Variants in SPIDR observed in about 807,000 individuals in gnomAD.
SPIDR encodes scaffold protein involved in DNA repair, also known as DNA repair-scaffolding protein.
A neutral mutation model predicts 104.6 loss-of-function variants in SPIDR; 93 were observed. The observed-to-expected ratio is 0.89, with a 90% CI of 0.75 to 1.06. The LOEUF is 1.06. Ranked by LOEUF, SPIDR falls within the 50% of genes least tolerant of loss-of-function variation. The probability of loss-of-function intolerance (pLI) is 0.00; values close to 1 mark genes in which losing one functional copy is unlikely to be tolerated. For synonymous variants in SPIDR, 431 were observed against 416.9 expected (o/e 1.03, Z -0.41); for missense variants, 1,154 against 1,111.2 (o/e 1.04, Z -0.55).
intron 10 of SPIDR, among the ~76,000 whole-genome samples, chr8:47,669,476 G>A (rs1028684293): frequency 6.6e-6 from 1 of 152,176 alleles, no homozygotes; most frequent in African/African-American, 2.4e-5. Context: ...AGCATGTGTG[G>A]TGGGTGTGAA....
intron 5 of SPIDR, among the ~76,000 whole-genome samples, chr8:47,331,256 T>C (rs1663968709): frequency 2.0e-5 from 3 of 152,196 alleles, no homozygotes; most frequent in Admixed American, 1.3e-4. Flanking sequence ...CAGTCAGATG[T>C]CATTTAGTGA....
At chr8:47,652,081 C>G (rs1266227119) in intron 10 of SPIDR, among the ~76,000 whole-genome samples, 1 of 151,996 alleles carries the variant, frequency 6.6e-6, no homozygotes, top group Non-Finnish European at 1.5e-5. Context: ...TCTGTGTAAC[C>G]AAAAATCGCT....
chr8:47,310,047 T>C (rs1299624396), intron 5 of SPIDR, among the ~76,000 whole-genome samples: 3 of 128,036 alleles, frequency 2.3e-5, no homozygotes, highest in African/African-American at 6.0e-5. Context: ...AACAAAGTAA[T>C]AAGTCGGCCA....
At chr8:47,726,041 G>T (rs2154493177) in intron 16 of SPIDR, among the ~76,000 whole-genome samples, 1 of 152,350 alleles carries the variant, frequency 6.6e-6, no homozygotes, top group Non-Finnish European at 1.5e-5. Context: ...GCTTGGGGAT[G>T]CCCCGGCTCC....
intron 5 of SPIDR, among the ~76,000 whole-genome samples, chr8:47,323,803 G>T (rs188266487): frequency 6.6e-6 from 1 of 152,248 alleles, no homozygotes; most frequent in East Asian, 1.9e-4. Flanking sequence ...TACTTCTTCA[G>T]ATCTCCTTTG....
rs2060492615 is a variant in SPIDR, at chr8:47,588,058, T to TTAGC, written c.1098-7753_1098-7752insTAGC. On this transcript the variant is annotated intron_variant, in intron 8 of 19. Coordinates refer to ENST00000297423, the MANE Select transcript of SPIDR (RefSeq NM_001080394.4). Reference sequence around the variant, plus strand: ...ATATATATATATATATATATATATATATATATATATATATATATATATATA... The same window carrying TTAGC: ...ATATATATATATATATATATATATATTAGCATATATATATATATATATATATATA... Among the ~76,000 whole-genome samples, 3 of 84,540 alleles carry TTAGC rather than the reference T, an allele frequency of 3.5e-5. No homozygotes were observed. The South Asian group carries it at 1.1e-3, about 32-fold the overall frequency. The allele number at this position is 84,540 out of a possible 152,430, so 55.5% of individuals were successfully genotyped here.
At chr8:47,649,972 A>G (rs1013089357) in intron 10 of SPIDR, among the ~76,000 whole-genome samples, 2 of 152,170 alleles carry the variant, frequency 1.3e-5, no homozygotes, top group Non-Finnish European at 2.9e-5. Context: ...AGTAATAAAA[A>G]CCGTATATGA....
At chr8:47,662,229 G>C (rs1249725077) in intron 10 of SPIDR, among the ~76,000 whole-genome samples, 1 of 152,190 alleles carries the variant, frequency 6.6e-6, no homozygotes, top group African/African-American at 2.4e-5. Flanking sequence ...CAGCATCTGA[G>C]GACTGGGACC....
chr8:47,333,956 A>G (rs782393469), intron 5 of SPIDR, among the ~76,000 whole-genome samples: 9 of 152,202 alleles, frequency 5.9e-5, no homozygotes, highest in Non-Finnish European at 1.2e-4. Context: ...CTTTCACTAC[A>G]TCCCACAAAT....
intron 8 of SPIDR, among the ~76,000 whole-genome samples, chr8:47,555,907 A>C (rs564130073): frequency 7.2e-5 from 11 of 152,228 alleles, no homozygotes; most frequent in African/African-American, 2.7e-4. Flanking sequence ...TCAAGTCAGA[A>C]TGTTGACAGT....
At chr8:47,429,894 A>G (rs1333813033) in intron 7 of SPIDR, among the ~76,000 whole-genome samples, 1 of 151,990 alleles carries the variant, frequency 6.6e-6, no homozygotes. Context: ...ATATGTATAC[A>G]TGTGCCATGC....
rs1209961273 is a variant in SPIDR at position 47,595,958 on chromosome 8, C to G, written c.1245C>G (p.Ala415=). 2 of 1,613,724 alleles carry G rather than the reference C, an allele frequency of 1.2e-6. No individual in the cohort carries two copies. The highest frequency in any genetic ancestry group is 2.7e-5 in the African/African-American group (2 of 74,830). ...IPLPRRSISL[A]QMFVIKGLTN... ...TTCCAAGAAGAAGCATCTCTTTGGC[C>G]CAGATGTTTGTAATTAAGGGTCTAA... The change falls in exon 9 of 20, where the codon GCC becomes GCG. Residue 415 remains alanine (A), a synonymous_variant. Transcript: ENST00000297423.
In SPIDR at chr8:47,595,886, A is replaced by G. The variant is rs2061576913; in HGVS notation, c.1173A>G (p.Lys391=). 1 of 1,614,114 alleles carries G rather than the reference A, an allele frequency of 6.2e-7. No individual in the cohort carries two copies. The highest frequency in any genetic ancestry group is 8.5e-7 in the Non-Finnish European group (1 of 1,180,034). The change falls in exon 9 of 20, where the codon AAA becomes AAG. Residue 391 remains lysine (K), a synonymous_variant. Transcript: ENST00000297423. ...ACTTTTGTGAGAAAGTTGTTGCCAA[A>G]GAAGATTCAGAAAAAACTTGTGAAG... is the stretch of plus-strand genomic sequence containing the variant. ...NTYFCEKVVA[K]EDSEKTCEVY...
At position 47,390,567 on chromosome 8, in the gene SPIDR, A is replaced by G. The variant is rs144969126; in HGVS notation, c.526-5809A>G. 3.9e-3 allele frequency among the ~76,000 whole-genome samples: 588 copies of G among 151,832 alleles called. 3 individuals carry two copies. Among genetic ancestry groups the G allele is most frequent in the Non-Finnish European group, 6.2e-3 (424 of 67,976 alleles). ...GGAGAACAGGCATAGAAAGAGAAATATAGGACATATCAACCATACCATTAA... is the reference window on the plus strand; with the variant it reads ...GGAGAACAGGCATAGAAAGAGAAATGTAGGACATATCAACCATACCATTAA... On this transcript the variant is annotated intron_variant, in intron 5 of 19. Coordinates refer to ENST00000297423, the MANE Select transcript of SPIDR (RefSeq NM_001080394.4).
chr8:47,704,076 CTG>C (rs1054776752), intron 14 of SPIDR, among the ~76,000 whole-genome samples: 1 of 152,208 alleles, frequency 6.6e-6, no homozygotes, highest in African/African-American at 2.4e-5. Flanking sequence ...ATGTTAGTAA[CTG>C]TCAATTGCGT....
intron 7 of SPIDR, among the ~76,000 whole-genome samples, chr8:47,436,587 A>T (rs978831094): frequency 3.3e-5 from 5 of 152,102 alleles, no homozygotes; most frequent in African/African-American, 1.2e-4. Context: ...GCTGGATGTT[A>T]TGGTGGTGCG....
At chr8:47,702,366 C>T (rs1033487046) in intron 14 of SPIDR, among the ~76,000 whole-genome samples, 14 of 152,176 alleles carry the variant, frequency 9.2e-5, no homozygotes, top group Non-Finnish European at 1.8e-4. Flanking sequence ...CATTCTTTCC[C>T]GACACTTAGG....
At chr8:47,431,676 G>GT (rs1426307775) in intron 7 of SPIDR, among the ~76,000 whole-genome samples, 3 of 151,758 alleles carry the variant, frequency 2.0e-5, no homozygotes, top group East Asian at 1.9e-4. Flanking sequence ...TTGTTTTTGG[G>GT]TTTTTTTTAA....
At chr8:47,373,405 G>A (rs997304435) in intron 5 of SPIDR, among the ~76,000 whole-genome samples, 17 of 152,144 alleles carry the variant, frequency 1.1e-4, no homozygotes, top group African/African-American at 3.6e-4. Context: ...TTTGTGTGGT[G>A]TTTGGCAATT....
Sources: allele counts gnomAD v4.1 joint callset (sites outside exome capture counted in the v4.1 genomes callset), GRCh38; gene constraint gnomAD v4.1.1; transcripts MANE v1.5; gene names NCBI Gene and HGNC (gene_info 2026-07-23, HGNC 2026-07-21).